The following TASP1 variants were observed in gnomAD, a reference collection of about 807,000 sequenced individuals.
TASP1 encodes the protein threonine aspartase 1.
A neutral mutation model predicts 56.6 loss-of-function variants in TASP1; 16 were observed. The ratio of observed to expected loss-of-function variants is 0.28; its 90% confidence interval spans 0.19 to 0.43. The LOEUF (loss-of-function observed/expected upper bound fraction) is 0.43. Ranked by LOEUF, TASP1 falls within the 20% of genes least tolerant of loss-of-function variation. The probability of loss-of-function intolerance (pLI) is 1.00; values close to 1 mark genes in which losing one functional copy is unlikely to be tolerated. For missense variants in TASP1, 393 were observed against 511.6 expected, an observed-to-expected ratio of 0.77 and a Z score of 2.24; for synonymous variants, 179 against 184.2, an observed-to-expected ratio of 0.97 and a Z score of 0.23.
chr20:13,154,452 G>A, the TASP1 span, among the ~76,000 whole-genome samples: 1 of 152,108 alleles, frequency 6.6e-6, no homozygotes, highest in Non-Finnish European at 1.5e-5. Flanking sequence ...ACCCAAGATC[G>A]TTCTCAGGGA....
the TASP1 span, among the ~76,000 whole-genome samples, chr20:13,289,360 G>A: frequency 5.3e-5 from 8 of 152,194 alleles, no homozygotes; most frequent in Non-Finnish European, 8.8e-5. Context: ...CAGCCCCACC[G>A]GTAATACCAG....
At position 13,610,735 on chromosome 20, in the gene TASP1, A is replaced by G. The variant is rs180895203; in HGVS notation, c.282+12711T>C. On this transcript the variant is annotated intron_variant, in intron 4 of 13. Coordinates refer to ENST00000337743, the MANE Select transcript of TASP1 (RefSeq NM_017714.3). Reference sequence around the variant, plus strand: ...CAAAGAATTAAAATTCCAGACTCTCATCCCCAAAGATTCTGGTCCAGGTCA... The same window carrying G: ...CAAAGAATTAAAATTCCAGACTCTCGTCCCCAAAGATTCTGGTCCAGGTCA... 3.7e-3 allele frequency among the ~76,000 whole-genome samples: 560 copies of G among 152,238 alleles called. 2 individuals are homozygous for G. Among genetic ancestry groups the G allele is most frequent in the Non-Finnish European group, 6.1e-3 (415 of 68,002 alleles).
intron 10 of TASP1, among the ~76,000 whole-genome samples, chr20:13,504,650 T>G (rs2044064747): frequency 6.6e-6 from 1 of 152,148 alleles, no homozygotes; most frequent in South Asian, 2.1e-4. Context: ...AAAATACCTG[T>G]AGCTACAATA....
chr20:13,297,595 A>T, the TASP1 span, among the ~76,000 whole-genome samples: 1 of 152,208 alleles, frequency 6.6e-6, no homozygotes, highest in South Asian at 2.1e-4. Context: ...AAATGAAAGG[A>T]TCAAGTAGGA....
the TASP1 span, among the ~76,000 whole-genome samples, chr20:13,329,751 T>C: frequency 6.6e-6 from 1 of 152,036 alleles, no homozygotes; most frequent in Non-Finnish European, 1.5e-5. Flanking sequence ...CCAATTGACA[T>C]GTCTTTTATT....
chr20:13,106,431 C>T, the TASP1 span, among the ~76,000 whole-genome samples: 3 of 152,116 alleles, frequency 2.0e-5, no homozygotes, highest in Admixed American at 2.0e-4. Flanking sequence ...GGAGGAAGCC[C>T]TTAACTCTGT....
At chr20:13,508,968 C>G (rs575199165) in intron 10 of TASP1, among the ~76,000 whole-genome samples, 1 of 152,196 alleles carries the variant, frequency 6.6e-6, no homozygotes, top group African/African-American at 2.4e-5. Context: ...ACCATATAAT[C>G]GAACAATCCC....
chr20:13,219,613 G>T, the TASP1 span, among the ~76,000 whole-genome samples: 1 of 151,922 alleles, frequency 6.6e-6, no homozygotes, highest in Non-Finnish European at 1.5e-5. Flanking sequence ...AAAAAATAAT[G>T]AAAAGGAAAA....
the TASP1 span, chr20:13,222,055 C>A: frequency 1.2e-6 from 1 of 850,960 alleles, no homozygotes; most frequent in Non-Finnish European, 1.6e-6. Context: ...TAGTTTTGCC[C>A]GGGCCACTTG....
chr20:13,297,629 G>A, the TASP1 span, among the ~76,000 whole-genome samples: 4 of 152,132 alleles, frequency 2.6e-5, no homozygotes, highest in Non-Finnish European at 4.4e-5. Flanking sequence ...GGGGACCTTC[G>A]GCCCTGTCCA....
intron 11 of TASP1, among the ~76,000 whole-genome samples, chr20:13,436,072 G>A (rs2042990683): frequency 6.6e-6 from 1 of 152,130 alleles, no homozygotes; most frequent in Non-Finnish European, 1.5e-5. Flanking sequence ...ACAAGTGGTT[G>A]CTCACCTAGC....
the TASP1 span, among the ~76,000 whole-genome samples, chr20:13,131,561 C>G: frequency 6.6e-6 from 1 of 152,172 alleles, no homozygotes; most frequent in Non-Finnish European, 1.5e-5. Context: ...CTTTACCCAC[C>G]CTGGAGTTCT....
intron 11 of TASP1, among the ~76,000 whole-genome samples, chr20:13,462,430 A>T (rs2044088157): frequency 6.6e-6 from 1 of 152,210 alleles, no homozygotes; most frequent in African/African-American, 2.4e-5. Context: ...AAAGCGAAGT[A>T]TAATAAGGCA....
the TASP1 span, among the ~76,000 whole-genome samples, chr20:13,226,011 C>T: frequency 1.3e-5 from 2 of 152,154 alleles, no homozygotes; most frequent in African/African-American, 2.4e-5. Flanking sequence ...AAATCTCAGT[C>T]AGTTTTAGAA....
At chr20:13,187,066 A>C in the TASP1 span, among the ~76,000 whole-genome samples, 1 of 152,220 alleles carries the variant, frequency 6.6e-6, no homozygotes, top group Non-Finnish European at 1.5e-5. Context: ...AGAAATAAAA[A>C]ACACTGTAAC....
the TASP1 span, among the ~76,000 whole-genome samples, chr20:13,357,617 T>C: frequency 2.0e-5 from 3 of 152,074 alleles, no homozygotes; most frequent in Non-Finnish European, 4.4e-5. Flanking sequence ...ACACGTAAAA[T>C]ACCATATAGC....
chr20:13,123,328 C>A, the TASP1 span, among the ~76,000 whole-genome samples: 2 of 126,160 alleles, frequency 1.6e-5, no homozygotes, highest in Admixed American at 7.2e-5. Flanking sequence ...AAGACTCTGT[C>A]TAAAAAAAAA....
intron 9 of TASP1, among the ~76,000 whole-genome samples, chr20:13,528,903 C>T (rs765368712): frequency 2.6e-5 from 4 of 152,068 alleles, no homozygotes; most frequent in South Asian, 4.1e-4. Flanking sequence ...GGGGAGCTTA[C>T]TGATAAGAAC....
intron 13 of TASP1, among the ~76,000 whole-genome samples, chr20:13,408,857 GTTTC>G (rs1431467105): frequency 4.0e-5 from 6 of 151,850 alleles, no homozygotes; most frequent in East Asian, 3.9e-4. Context: ...TAATTTGTGG[GTTTC>G]TTTCTTTCTT....
Sources: allele counts gnomAD v4.1 joint callset (sites outside exome capture counted in the v4.1 genomes callset), GRCh38; gene constraint gnomAD v4.1.1; transcripts MANE v1.5; gene names NCBI Gene and HGNC (gene_info 2026-07-23, HGNC 2026-07-21).